The following ARHGAP10 variants were observed in gnomAD, a reference collection of about 807,000 sequenced individuals.
The protein encoded by ARHGAP10 is rho GTPase-activating protein 10.
In ARHGAP10, 87 loss-of-function variants were observed where a neutral mutation model predicts 108.6. That is an observed-to-expected ratio of 0.80 (90% CI 0.67 to 0.96). The LOEUF (loss-of-function observed/expected upper bound fraction) is 0.96, where lower values mean the gene tolerates loss of function less well. Ranked by LOEUF, ARHGAP10 falls within the 40% of genes least tolerant of loss-of-function variation. ARHGAP10 has a pLI of 0.00. For missense variants in ARHGAP10, 939 were observed against 954.5 expected, an observed-to-expected ratio of 0.98 and a Z score of 0.21; for synonymous variants, 347 against 341.1, an observed-to-expected ratio of 1.02 and a Z score of -0.19.
At chr4:148,025,601 AAAG>A (rs932087660) in intron 19 of ARHGAP10, among the ~76,000 whole-genome samples, 110 of 152,222 alleles carry the variant, frequency 7.2e-4, no homozygotes, top group African/African-American at 2.5e-3. Flanking sequence ...TCTAAAAAAA[AAAG>A]AAAAGTGAAT....
intron 14 of ARHGAP10, among the ~76,000 whole-genome samples, chr4:147,945,963 T>C (rs1437662044): frequency 6.6e-6 from 1 of 152,136 alleles, no homozygotes. Context: ...GGCTCCTCCT[T>C]TGCATAAGGC....
At chr4:148,062,199 T>G (rs1729650801) in intron 20 of ARHGAP10, among the ~76,000 whole-genome samples, 1 of 152,156 alleles carries the variant, frequency 6.6e-6, no homozygotes, top group South Asian at 2.1e-4. Flanking sequence ...GTTGGAGGAT[T>G]GCACCTAGGG....
chr4:147,816,803 C>T (rs1732266351), intron 1 of ARHGAP10, among the ~76,000 whole-genome samples: 1 of 152,186 alleles, frequency 6.6e-6, no homozygotes, highest in African/African-American at 2.4e-5. Flanking sequence ...TGAAGCTAGT[C>T]TACAATCCTA....
chr4:148,013,105 GGCTGATACTAATCT>G (rs1741227869), intron 18 of ARHGAP10, among the ~76,000 whole-genome samples: 1 of 152,130 alleles, frequency 6.6e-6, no homozygotes, highest in Admixed American at 6.5e-5. Flanking sequence ...TCAGTATGAA[GGCTGATACTAATCT>G]GCCCCCCACC....
At chr4:147,791,262 C>T (rs1731111443) in intron 1 of ARHGAP10, among the ~76,000 whole-genome samples, 2 of 151,834 alleles carry the variant, frequency 1.3e-5, no homozygotes, top group Admixed American at 1.3e-4. Flanking sequence ...CAAGCGCCTG[C>T]CACCATGTCT....
intron 19 of ARHGAP10, among the ~76,000 whole-genome samples, chr4:148,028,452 C>G (rs1727981067): frequency 6.6e-6 from 1 of 152,144 alleles, no homozygotes; most frequent in South Asian, 2.1e-4. Flanking sequence ...GCTACAAAAT[C>G]AGGGTAATAA....
In ARHGAP10 at chr4:148,069,562, T is replaced by G. The variant is rs139516358; in HGVS notation, c.2273-2431T>G. On this transcript the variant is annotated intron_variant, in intron 22 of 22. Coordinates refer to ENST00000336498, the MANE Select transcript of ARHGAP10 (RefSeq NM_024605.4). The stretch of plus-strand genomic sequence containing the variant: ...CTCCTCTGTTCATCCTGTCTTTTAT[T>G]AATACCGAGTCTGTGCTTGCGCAAG... Among the ~76,000 whole-genome samples, 12 of 152,332 alleles carry G rather than the reference T, an allele frequency of 7.9e-5. No homozygotes were observed. In the East Asian group the frequency reaches 1.7e-3, roughly 22 times the overall value.
intron 10 of ARHGAP10, among the ~76,000 whole-genome samples, chr4:147,893,111 C>T (rs1196874321): frequency 7.2e-5 from 11 of 151,816 alleles, no homozygotes; most frequent in Non-Finnish European, 1.5e-4. Context: ...CAGGCTGGAG[C>T]GCAGTGGCGT....
intron 5 of ARHGAP10, among the ~76,000 whole-genome samples, chr4:147,858,699 C>T (rs949304542): frequency 6.6e-6 from 1 of 152,176 alleles, no homozygotes; most frequent in Non-Finnish European, 1.5e-5. Flanking sequence ...ATCTCCTGCC[C>T]TCTGTCAATT....
chr4:147,825,149 T>C (rs9995896), intron 3 of ARHGAP10, among the ~76,000 whole-genome samples: 16,344 of 147,898 alleles, frequency 0.11, 999 homozygotes, highest in African/African-American at 0.18. Flanking sequence ...CTGATTTGGA[T>C]TTAAAAAGTG....
At chr4:147,979,918 T>A (rs1739746887) in intron 18 of ARHGAP10, among the ~76,000 whole-genome samples, 1 of 152,236 alleles carries the variant, frequency 6.6e-6, no homozygotes, top group Non-Finnish European at 1.5e-5. Context: ...AAGTTGTTAA[T>A]CAGATCTAGT....
At chr4:147,965,325 T>C (rs1245545533) in intron 17 of ARHGAP10, among the ~76,000 whole-genome samples, 196 bp downstream of exon 17, 1 of 152,306 alleles carries the variant, frequency 6.6e-6, no homozygotes, top group South Asian at 2.1e-4. Context: ...TTAACATCTC[T>C]GCCAGCAACT....
At chr4:147,777,461 C>T (rs1435616412) in intron 1 of ARHGAP10, among the ~76,000 whole-genome samples, 1 of 152,038 alleles carries the variant, frequency 6.6e-6, no homozygotes, top group Non-Finnish European at 1.5e-5. Flanking sequence ...TGGGGTTTCA[C>T]TGTGTTAGCC....
intron 1 of ARHGAP10, among the ~76,000 whole-genome samples, chr4:147,760,374 G>T (rs1729542505): frequency 6.6e-6 from 1 of 152,216 alleles, no homozygotes; most frequent in South Asian, 2.1e-4. Flanking sequence ...TAACCAGCTT[G>T]TCCAGATTTA....
chr4:148,062,766 G>A (rs1214385379), intron 20 of ARHGAP10, among the ~76,000 whole-genome samples: 2 of 152,066 alleles, frequency 1.3e-5, no homozygotes, highest in African/African-American at 2.4e-5. Context: ...TGCAGCTGCC[G>A]GTCATGTGCT....
Position 147,966,769 on chromosome 4 carries a change from CTG to C in ARHGAP10, c.1648_1649del (p.Val550ArgfsTer18). On this transcript the variant is annotated frameshift_variant, in exon 18 of 23. Coordinates refer to ENST00000336498, the MANE Select transcript of ARHGAP10 (RefSeq NM_024605.4). LOFTEE classifies it high-confidence loss of function. Reference sequence around the variant, plus strand: ...ACTCTGATGAGGCCACAGGAAGAAACTGTCGCTGCCCTCATGGACTTGAAGTT... The same window carrying C: ...ACTCTGATGAGGCCACAGGAAGAAACTCGCTGCCCTCATGGACTTGAAGTT... 1 of 1,607,298 alleles carries C rather than the reference CTG, an allele frequency of 6.2e-7. No individual in the cohort carries two copies. The highest frequency in any genetic ancestry group is 8.5e-7 in the Non-Finnish European group (1 of 1,175,222).
intron 20 of ARHGAP10, among the ~76,000 whole-genome samples, chr4:148,054,505 T>C (rs1233760796): frequency 3.3e-5 from 5 of 152,234 alleles, no homozygotes; most frequent in Non-Finnish European, 5.9e-5. Flanking sequence ...TTAGTTTAAC[T>C]TGACCCCAAC....
intron 19 of ARHGAP10, among the ~76,000 whole-genome samples, chr4:148,027,612 G>A (rs532437620): frequency 1.2e-4 from 18 of 152,320 alleles, no homozygotes; most frequent in Admixed American, 7.2e-4. Flanking sequence ...TGATCTAGGT[G>A]AGTCTCTAAA....
intron 18 of ARHGAP10, among the ~76,000 whole-genome samples, chr4:147,982,546 CTTTTTT>C (rs753773443): frequency 1.5e-5 from 1 of 66,272 alleles, no homozygotes. Flanking sequence ...CCAGCTAAAT[CTTTTTT>C]TTTTTTTTTT....
Sources: gnomAD v4.1 joint callset for allele counts (sites outside exome capture counted in the v4.1 genomes callset) on GRCh38, gnomAD v4.1.1 for gene constraint, MANE v1.5 for transcripts, NCBI Gene and HGNC (gene_info 2026-07-23, HGNC 2026-07-21) for gene names.